Variants in ZFHX3 observed in about 807,000 individuals in gnomAD.
The protein encoded by ZFHX3 is zinc finger homeobox protein 3.
A neutral mutation model predicts 279.1 loss-of-function variants in ZFHX3; 42 were observed. The observed-to-expected ratio is 0.15, with a 90% CI of 0.12 to 0.19. The LOEUF (loss-of-function observed/expected upper bound fraction) is 0.19. ZFHX3 is among the 10% of genes least tolerant of loss of function. ZFHX3 has a pLI of 1.00. For missense variants in ZFHX3, 4,981 were observed against 4,754.0 expected (o/e 1.05, Z -1.40); for synonymous variants, 2,293 against 1,957.8 (o/e 1.17, Z -4.52).
intron 5 of ZFHX3, among the ~76,000 whole-genome samples, chr16:73,177,330 A>G (rs73595279): frequency 0.015 from 2,346 of 152,346 alleles, 75 homozygotes; most frequent in African/African-American, 0.054. Context: ...GGTTTTTGGA[A>G]ATGAACTTTC....
intron 1 of ZFHX3, among the ~76,000 whole-genome samples, chr16:73,700,852 T>C (rs1468106123): frequency 1.3e-5 from 2 of 152,246 alleles, no homozygotes; most frequent in Non-Finnish European, 2.9e-5. Flanking sequence ...GTAACTCAAA[T>C]GTTTAATCTC....
intron 2 of ZFHX3, among the ~76,000 whole-genome samples, chr16:73,515,887 G>A (rs1316590589): frequency 1.3e-5 from 2 of 152,192 alleles, no homozygotes; most frequent in African/African-American, 4.8e-5. Context: ...AAGCCCATCT[G>A]GAAGATGATG....
intron 1 of ZFHX3, among the ~76,000 whole-genome samples, chr16:73,838,789 T>TGC (rs959976365): frequency 8.8e-4 from 127 of 144,364 alleles, no homozygotes; most frequent in African/African-American, 3.1e-3. Flanking sequence ...TGTGTGTGTG[T>TGC]GCGTGCGCGC....
At chr16:73,505,426 A>G (rs1311998283) in intron 2 of ZFHX3, among the ~76,000 whole-genome samples, 2 of 152,106 alleles carry the variant, frequency 1.3e-5, no homozygotes, top group Admixed American at 6.5e-5. Flanking sequence ...ACCCCCTTCA[A>G]TGATGAACCA....
intron 1 of ZFHX3, among the ~76,000 whole-genome samples, chr16:73,857,759 G>A (rs1961773159): frequency 6.6e-6 from 1 of 152,168 alleles, no homozygotes; most frequent in Non-Finnish European, 1.5e-5. Context: ...CAGGAAAAGG[G>A]TCCTCTGGCT....
At position 72,958,087 on chromosome 16, in the gene ZFHX3, C is replaced by T; in HGVS notation, c.2059G>A (p.Glu687Lys). ...GGGTGCTTCTCCTTCATGTGTGCCT[C>T]CAGGGTCTGCTGGTACTTATAGTGC... The part of the protein sequence containing the change: ...NWHYKYQQTL[E>K]AHMKEKHPEP... Residue 687 changes from glutamate to lysine, a missense_variant, in exon 2 of 10, where the codon GAG (glutamate) becomes AAG (lysine). Coordinates refer to ENST00000268489, the MANE Select transcript of ZFHX3 (RefSeq NM_006885.4). The T allele has an allele frequency of 2.5e-6, 4 of 1,614,128 alleles. No individual in the cohort carries two copies. The highest frequency in any genetic ancestry group is 3.4e-6 in the Non-Finnish European group (4 of 1,180,044).
rs547542025 is a variant in ZFHX3, at chr16:73,508,522, C to T, written c.-1546-52264G>A. 9.2e-5 allele frequency among the ~76,000 whole-genome samples: 14 copies of T among 152,314 alleles called. No homozygotes were observed. In the East Asian group the frequency reaches 2.5e-3, roughly 27 times the overall value. On this transcript the variant is annotated intron_variant, in intron 2 of 17. Transcript: ENST00000641206. ...AGCTCTTCAGCACTGTCATTACACA[C>T]ATGTGAGTTAGGAGGAGCAGAGCAT...
At chr16:73,556,628 A>C (rs951329213) in intron 2 of ZFHX3, among the ~76,000 whole-genome samples, 18 of 151,990 alleles carry the variant, frequency 1.2e-4, no homozygotes, top group Non-Finnish European at 2.4e-4. Context: ...AGGGTTAGGA[A>C]AGAGGATAAA....
Position 72,788,432 on chromosome 16 carries a change from C to T in ZFHX3, c.9844G>A (p.Ala3282Thr), listed in dbSNP as rs780279472. 6.2e-7 allele frequency: 1 copy of T among 1,614,132 alleles called. No individual in the cohort carries two copies. Among genetic ancestry groups the T allele is most frequent in the African/African-American group, 1.3e-5 (1 of 74,940 alleles). ...ISAPLPTMEY[A>T]VDPAQLQALQ... ...GCCTGCAGCTGTGCAGGGTCTACCG[C>T]ATACTCCATGGTGGGCAGCGGGGCT... Residue 3282 changes from alanine (A) to threonine (T), a missense_variant, in exon 10 of 10, where the codon GCG becomes ACG. Transcript: ENST00000268489.
intron 5 of ZFHX3, among the ~76,000 whole-genome samples, chr16:73,176,333 G>A (rs1967662846): frequency 6.6e-6 from 1 of 152,160 alleles, no homozygotes; most frequent in South Asian, 2.1e-4. Flanking sequence ...AAATATCCAA[G>A]ATCAGGTATC....
chr16:73,806,194 G>A (rs1357546764), intron 1 of ZFHX3, among the ~76,000 whole-genome samples: 5 of 152,172 alleles, frequency 3.3e-5, no homozygotes, highest in Non-Finnish European at 4.4e-5. Context: ...ATCTGGTCCC[G>A]CCCTTGACAC....
chr16:73,341,235 G>A (rs2016027373), intron 3 of ZFHX3, among the ~76,000 whole-genome samples: 1 of 152,132 alleles, frequency 6.6e-6, no homozygotes, highest in South Asian at 2.1e-4. Context: ...CAGCTACTGA[G>A]GAGGCTGAGG....
intron 3 of ZFHX3, among the ~76,000 whole-genome samples, chr16:73,320,336 G>A (rs150508433): frequency 1.3e-5 from 2 of 152,174 alleles, no homozygotes. Context: ...CTCAACCCAT[G>A]AGCTGTGGCT....
intron 7 of ZFHX3, among the ~76,000 whole-genome samples, chr16:73,114,740 A>G (rs918205368): frequency 2.8e-4 from 42 of 152,326 alleles, no homozygotes; most frequent in African/African-American, 1.0e-3. Context: ...CTGCAAGGAA[A>G]TAAGTTTTGC....
intron 2 of ZFHX3, among the ~76,000 whole-genome samples, chr16:73,531,733 A>G (rs977759094): frequency 1.3e-5 from 2 of 151,648 alleles, no homozygotes; most frequent in Admixed American, 1.3e-4. Context: ...AAAAAAAAAA[A>G]AAAAGAATAT....
At chr16:72,914,378 C>T (rs1009447667) in intron 3 of ZFHX3, among the ~76,000 whole-genome samples, 13 of 152,176 alleles carry the variant, frequency 8.5e-5, no homozygotes, top group Admixed American at 5.2e-4. Flanking sequence ...CCACAGACCA[C>T]GATACTTACT....
At position 72,794,135 on chromosome 16, in the gene ZFHX3, G is replaced by A. The variant is rs370340936; in HGVS notation, c.8547C>T (p.Asp2849=). 36 of 1,614,028 alleles carry A rather than the reference G, an allele frequency of 2.2e-5. No homozygotes were observed. Among genetic ancestry groups the A allele is most frequent in the Middle Eastern group, 1.6e-4 (1 of 6,084 alleles). Reference sequence around the variant, plus strand: ...CACTGTCGTTATCTGCGTTGCCCTCGTCTCCAGTTGTGGTATCTGTGATTG... The same window carrying A: ...CACTGTCGTTATCTGCGTTGCCCTCATCTCCAGTTGTGGTATCTGTGATTG... The part of the protein sequence containing the change: ...NTAITDTTTG[D]EGNADNDSAT... Residue 2849 remains aspartate (D), a synonymous_variant, in exon 9 of 10, where the codon GAC becomes GAT. Coordinates refer to ENST00000268489, the MANE Select transcript of ZFHX3 (RefSeq NM_006885.4). The surrounding 1 kb of genome is among the most constrained non-coding windows in gnomAD (Gnocchi z 4.2).
intron 5 of ZFHX3, among the ~76,000 whole-genome samples, chr16:73,155,171 T>C (rs1349872822): frequency 1.1e-5 from 1 of 87,660 alleles, no homozygotes; most frequent in Non-Finnish European, 2.3e-5. Flanking sequence ...AGACTCTGTC[T>C]CAAAAAAACA....
At chr16:73,708,289 T>C (rs2053325293) in intron 1 of ZFHX3, among the ~76,000 whole-genome samples, 1 of 152,196 alleles carries the variant, frequency 6.6e-6, no homozygotes, top group Admixed American at 6.5e-5. Context: ...AGTTGATTAT[T>C]CAATATTCAC....
Sources: gnomAD v4.1 joint callset for allele counts (sites outside exome capture counted in the v4.1 genomes callset) on GRCh38, gnomAD v4.1.1 for gene constraint, Gnocchi (gnomAD v3.1) non-coding constraint, MANE v1.5 for transcripts, NCBI Gene and HGNC (gene_info 2026-07-23, HGNC 2026-07-21) for gene names.